Variants in NOTCH1 observed in about 807,000 individuals in gnomAD.
NOTCH1 encodes the protein notch receptor 1, also known as neurogenic locus notch homolog protein 1.
In NOTCH1, 37 loss-of-function variants were observed where a neutral mutation model predicts 254.8. The observed-to-expected ratio is 0.15, with a 90% confidence interval of 0.11 to 0.19. The LOEUF (loss-of-function observed/expected upper bound fraction) is 0.19, where lower values mean the gene tolerates loss of function less well. NOTCH1 is among the 10% of genes least tolerant of loss of function. NOTCH1 has a pLI of 1.00. For missense variants in NOTCH1, 2,972 were observed against 3,708.6 expected, an observed-to-expected ratio of 0.80 and a Z score of 5.16; for synonymous variants, 1,731 against 1,618.1, an observed-to-expected ratio of 1.07 and a Z score of -1.68.
intron 31 of NOTCH1, 91 bp from the exon 32 acceptor site, chr9:136,499,350 T>A (rs2133323635): frequency 6.6e-7 from 1 of 1,526,508 alleles, no homozygotes; most frequent in Admixed American, 1.8e-5. Context: ...GAAGCCCCAC[T>A]GTCTTCCGGA....
intron 15 of NOTCH1, among the ~76,000 whole-genome samples, chr9:136,512,128 C>A (rs2133356397): frequency 6.6e-6 from 1 of 152,350 alleles, no homozygotes; most frequent in Non-Finnish European, 1.5e-5. Flanking sequence ...CGGGTCAGCA[C>A]CGCCGCTCCT....
In NOTCH1 at chr9:136,538,436, G is replaced by A. The variant is rs144271894; in HGVS notation, c.140+5588C>T. On this transcript the variant is annotated intron_variant, in intron 2 of 33. Transcript: ENST00000651671. ...GATGGGGAAACTGAGGCCCAGGGAG[G>A]GGACAGTGTGGGGAGCACAGCAAAT... Among the ~76,000 whole-genome samples, 1,385 of 152,350 alleles carry A rather than the reference G, an allele frequency of 9.1e-3. 11 individuals carry two copies. Among genetic ancestry groups the A allele is most frequent in the Middle Eastern group, 0.031 (9 of 294 alleles).
At chr9:136,533,641 T>A (rs1843597318) in intron 2 of NOTCH1, among the ~76,000 whole-genome samples, 1 of 152,216 alleles carries the variant, frequency 6.6e-6, no homozygotes, top group Non-Finnish European at 1.5e-5. Flanking sequence ...GGGCCTGAGC[T>A]GCTGCCTCCC....
chr9:136,535,265 C>T (rs888628961), intron 2 of NOTCH1, among the ~76,000 whole-genome samples: 88 of 152,030 alleles, frequency 5.8e-4, no homozygotes, highest in African/African-American at 2.0e-3. Flanking sequence ...TTCACAAGGC[C>T]CCTTGGGGAC....
chr9:136,519,709 C>T, intron 4 of NOTCH1, 144 bp from the exon 5 acceptor site: 1 of 1,153,134 alleles, frequency 8.7e-7, no homozygotes, highest in Non-Finnish European at 1.3e-6. Flanking sequence ...CGTCCCCTGC[C>T]TCACTCCAGT....
At position 136,514,593 on chromosome 9, in the gene NOTCH1, G is replaced by A. The variant is rs376744729; in HGVS notation, c.2124C>T (p.Tyr708=). Residue 708 remains tyrosine, a synonymous_variant, in exon 13 of 34, where the codon TAC becomes TAT. Transcript: ENST00000651671. ...NGFTCRCPEG[Y]HDPTCLSEVN... ...CCTCAGACAGGCAGGTGGGGTCGTG[G>A]TAGCCCTCGGGGCAGCGGCAGGTGA... is the stretch of plus-strand genomic sequence containing the variant. The A allele has an allele frequency of 2.9e-4, 464 of 1,609,088 alleles. 2 individuals carry two copies. The African/African-American group carries it at 5.7e-3, about 20-fold the overall frequency.
At chr9:136,525,437 T>G (rs927901758) in intron 2 of NOTCH1, among the ~76,000 whole-genome samples, 1 of 152,228 alleles carries the variant, frequency 6.6e-6, no homozygotes, top group African/African-American at 2.4e-5. Context: ...TTCCCAGTGG[T>G]GAAGCCTCTG....
At position 136,506,399 on chromosome 9, in the gene NOTCH1, A is replaced by T; in HGVS notation, c.4014+128T>A. 2 of 684,490 alleles carry T rather than the reference A, an allele frequency of 2.9e-6. No homozygotes were observed. Among genetic ancestry groups the T allele is most frequent in the Non-Finnish European group, 4.9e-6 (2 of 411,600 alleles). The allele number at this position is 684,490 out of a possible 1,614,324, so 42.4% of individuals were successfully genotyped here. A position where few individuals can be genotyped will look rare whatever the true frequency, so the allele number is the denominator to read the frequency against. On this transcript the variant is annotated intron_variant, in intron 24 of 33. Coordinates refer to ENST00000651671, the MANE Select transcript of NOTCH1 (RefSeq NM_017617.5). The surrounding 1 kb of genome is among the most constrained non-coding windows in gnomAD (Gnocchi z 4.5). ...TATTGAAACTAAAAAAAAAAAAAAG[A>T]CATCAGGGTGAGGAGGAGGATGAAG...
rs375073677 is a variant in NOTCH1 at position 136,497,282 on chromosome 9, C to T, written c.6457G>A (p.Val2153Met). 3.7e-5 allele frequency: 59 copies of T among 1,609,526 alleles called. No homozygotes were observed. Among genetic ancestry groups the T allele is most frequent in the South Asian group, 1.5e-4 (14 of 91,084 alleles). ...GGCTTGCGGACCTTCTTGCCCTGCA[C>T]GCCGGGCTTGAGGCTGCCCAGGTAG... ...NGYLGSLKPG[V>M]QGKKVRKPSS... The change falls in exon 34 of 34, where the codon GTG becomes ATG. Residue 2153 changes from valine (V) to methionine (M), a missense_variant. Val to Met is a conservative substitution (Grantham distance 21). Transcript: ENST00000651671.
In NOTCH1 at chr9:136,506,023, A is replaced by AC; in HGVS notation, c.4015-143dup. The AC allele has an allele frequency of 1.4e-6, 1 of 690,910 alleles. No individual in the cohort carries two copies. Among genetic ancestry groups the AC allele is most frequent in the Middle Eastern group, 4.0e-4 (1 of 2,470 alleles). The allele number at this position is 690,910 out of a possible 1,614,324, so 42.8% of individuals were successfully genotyped here. ...CTGCAACCTTGCCCCCAGCAGCAAA[A>AC]CCCTTTACACACATTCTACCAACAG... On this transcript the variant is annotated intron_variant, in intron 24 of 33. Coordinates refer to ENST00000651671, the MANE Select transcript of NOTCH1 (RefSeq NM_017617.5). The surrounding 1 kb of genome is among the most constrained non-coding windows in gnomAD (Gnocchi z 4.5).
chr9:136,497,325 C>A lies in NOTCH1; in HGVS notation c.6414G>T (p.Pro2138=). The change falls in exon 34 of 34, where the codon CCG becomes CCT. Residue 2138 remains proline, a synonymous_variant. Coordinates refer to ENST00000651671, the MANE Select transcript of NOTCH1 (RefSeq NM_017617.5). ...PLGGTPTLSP[P]LCSPNGYLGS... The stretch of plus-strand genomic sequence containing the variant: ...CCAGGTAGCCGTTGGGCGAGCAGAG[C>A]GGGGGCGACAGGGTGGGCGTGCCCC... 6.2e-7 allele frequency: 1 copy of A among 1,606,360 alleles called. No individual in the cohort carries two copies. The highest frequency in any genetic ancestry group is 8.5e-7 in the Non-Finnish European group (1 of 1,179,476).
chr9:136,523,667 G>A (rs2133378715), intron 3 of NOTCH1, 50 bp downstream of exon 3: 1 of 1,560,700 alleles, frequency 6.4e-7, no homozygotes, highest in Non-Finnish European at 8.7e-7. Flanking sequence ...CTGGGCAGCT[G>A]GCGGCGGGCC....
rs375009935 is a variant in NOTCH1, at chr9:136,509,835, T to C, written c.2867A>G (p.Asn956Ser). Reference protein sequence around the residue: ...INECASDPCRNGANCTDCVDS... With the variant: ...INECASDPCRSGANCTDCVDS... ...CACGCAGTCCGTGCAGTTGGCCCCG[T>C]TGCGGCAGGGGTCACTGGCACACTC... Residue 956 changes from asparagine to serine, a missense_variant, in exon 18 of 34, where the codon AAC becomes AGC. This residue lies in a region of NOTCH1 where 1,343 missense variants were observed against 1,557.0 expected (regional missense o/e 0.86). Transcript: ENST00000651671. The C allele has an allele frequency of 1.4e-5, 22 of 1,613,076 alleles. No individual in the cohort carries two copies. Among genetic ancestry groups the C allele is most frequent in the African/African-American group, 1.1e-4 (8 of 74,948 alleles).
At chr9:136,509,991 G>A (rs774165467) in intron 17 of NOTCH1, 30 bp from the exon 18 acceptor site, 10 of 1,598,454 alleles carry the variant, frequency 6.3e-6, no homozygotes, top group South Asian at 1.1e-5. Context: ...TGAGTGTGAG[G>A]GGCAGGCACA....
At position 136,504,830 on chromosome 9, in the gene NOTCH1, C is replaced by T. The variant is rs867637156; in HGVS notation, c.4861G>A (p.Gly1621Ser). ...TGCTTGCGCAGCTCCTCCTCGCGGC[C>T]GTAGTAGGGGAAGATCATCTGCTGG... Reference protein sequence around the residue: ...HGQQMIFPYYGREEELRKHPI... With the variant: ...HGQQMIFPYYSREEELRKHPI... Residue 1621 changes from glycine to serine, a missense_variant, in exon 26 of 34, where the codon GGC becomes AGC. Gly to Ser is a moderately conservative substitution (Grantham distance 56). This residue lies in a region of NOTCH1 where 1,343 missense variants were observed against 1,557.0 expected (regional missense o/e 0.86). Coordinates refer to ENST00000651671, the MANE Select transcript of NOTCH1 (RefSeq NM_017617.5). 6 of 1,575,790 alleles carry T rather than the reference C, an allele frequency of 3.8e-6. No homozygotes were observed. The highest frequency in any genetic ancestry group is 1.7e-4 in the Middle Eastern group (1 of 6,004).
In NOTCH1 at chr9:136,514,650, G is replaced by A. The variant is rs751619078; in HGVS notation, c.2067C>T (p.Asn689=). ...TGATGCCGTCCTCGCAGGTGCCCCC[G>A]TTGTGGCAGGGGTTGCCCGCACACT... The part of the protein sequence containing the change: ...IDECAGNPCH[N]GGTCEDGING... The change falls in exon 13 of 34, where the codon AAC becomes AAT. Residue 689 remains asparagine, a synonymous_variant. Transcript: ENST00000651671. 8.1e-6 allele frequency: 13 copies of A among 1,612,634 alleles called. 1 individual carries two copies. Among genetic ancestry groups the A allele is most frequent in the Middle Eastern group, 1.6e-4 (1 of 6,062 alleles).
rs374598236 is a variant in NOTCH1, at chr9:136,514,360, G to T, written c.2207+150C>A. The T allele has an allele frequency of 1.8e-5, 14 of 794,402 alleles. No individual in the cohort carries two copies. The East Asian group carries it at 1.9e-4, about 11-fold the overall frequency. 49.2% of individuals were successfully genotyped at this position (794,402 alleles called of 1,614,324 possible). On this transcript the variant is annotated intron_variant, in intron 13 of 33. Coordinates refer to ENST00000651671, the MANE Select transcript of NOTCH1 (RefSeq NM_017617.5). ...AGTCTGACTGAGGACCCAGAGGCAT[G>T]TGCGTCCCCGAGGGGAGCTCCCTGC...
chr9:136,512,641 C>T (rs1012710642), intron 15 of NOTCH1, among the ~76,000 whole-genome samples: 2 of 152,206 alleles, frequency 1.3e-5, no homozygotes, highest in East Asian at 1.9e-4. Context: ...GCCGGGAGCA[C>T]GGAGCCCAGT....
In NOTCH1 at chr9:136,502,426, A is replaced by G. The variant is rs761586042; in HGVS notation, c.5230T>C (p.Phe1744Leu). The G allele has an allele frequency of 1.2e-6, 2 of 1,609,256 alleles. No homozygotes were observed. The highest frequency in any genetic ancestry group is 3.3e-5 in the Admixed American group (2 of 59,850). ...CAGCCCACGAAGAACAGAAGCACAA[A>G]GGCGGCCGCCGCCACGTACATGAAG... The part of the protein sequence containing the change: ...LHFMYVAAAA[F>L]VLLFFVGCGV... The change falls in exon 28 of 34, where the codon TTT becomes CTT. Residue 1744 changes from phenylalanine (F) to leucine (L), a missense_variant. Coordinates refer to ENST00000651671, the MANE Select transcript of NOTCH1 (RefSeq NM_017617.5).
Sources: gnomAD v4.1 joint callset for allele counts (sites outside exome capture counted in the v4.1 genomes callset) on GRCh38, gnomAD v4.1.1 for gene constraint, gnomAD v4.1.1 regional missense constraint, Gnocchi (gnomAD v3.1) non-coding constraint, MANE v1.5 for transcripts, NCBI Gene and HGNC (gene_info 2026-07-23, HGNC 2026-07-21) for gene names.